Variants in RMDN2 observed in about 807,000 individuals in gnomAD.
RMDN2 encodes regulator of microtubule dynamics 2.
Under a neutral mutation model 52.8 loss-of-function variants are expected in RMDN2, and 61 were observed. That is an observed-to-expected ratio of 1.16 (90% CI 0.94 to 1.43). The LOEUF (loss-of-function observed/expected upper bound fraction) is 1.43, where lower values mean the gene tolerates loss of function less well. Among genes scored for constraint, RMDN2 ranks in the 40% most tolerant of loss-of-function variants. The pLI is 0.00. For missense variants in RMDN2, 592 were observed against 475.3 expected (o/e 1.25, Z -2.28); for synonymous variants, 180 against 153.1 (o/e 1.18, Z -1.30).
intron 2 of RMDN2, among the ~76,000 whole-genome samples, chr2:37,941,164 C>T (rs1286410711): frequency 2.0e-5 from 3 of 152,200 alleles, no homozygotes; most frequent in African/African-American, 7.2e-5. Flanking sequence ...TTCTGCAGGT[C>T]TGCTGGAGTT....
chr2:37,987,978 G>T (rs1674262314), intron 5 of RMDN2, among the ~76,000 whole-genome samples: 1 of 152,168 alleles, frequency 6.6e-6, no homozygotes, highest in Admixed American at 6.5e-5. Context: ...AGAATTGCTT[G>T]AACCTGGGAG....
chr2:37,952,836 G>A (rs944727959), intron 2 of RMDN2: 1 of 151,896 alleles, frequency 6.6e-6, no homozygotes, highest in Non-Finnish European at 1.5e-5. Context: ...GCAAATCTGG[G>A]CATTCAAGGA....
At chr2:38,035,881 G>C (rs1447972672) in intron 10 of RMDN2, 1 of 152,080 alleles carries the variant, frequency 6.6e-6, no homozygotes, top group East Asian at 1.9e-4. Context: ...AACCGTATCT[G>C]GACACAGAAA....
rs918343354 is a variant in RMDN2, at chr2:38,066,672, C to G, written c.1714-310C>G. Among the ~76,000 whole-genome samples, 3 of 152,220 alleles carry G rather than the reference C, an allele frequency of 2.0e-5. No homozygotes were observed. In the East Asian group the frequency reaches 5.8e-4, roughly 29 times the overall value. On this transcript the variant is annotated intron_variant, in intron 10 of 10. Transcript: ENST00000234195. ...GTCCAAAGCTGCATTCATTTCCCAC[C>G]CTGTACTCCGGTCTTATACTCTGTT...
intron 1 of RMDN2, among the ~76,000 whole-genome samples, chr2:37,925,963 T>C (rs1212132812): frequency 6.6e-6 from 1 of 152,126 alleles, no homozygotes; most frequent in African/African-American, 2.4e-5. Context: ...TTAAAATAAA[T>C]TATAAAATAC....
chr2:37,990,346 C>G (rs1357230062), intron 6 of RMDN2, among the ~76,000 whole-genome samples: 1 of 150,158 alleles, frequency 6.7e-6, no homozygotes. Context: ...TGGTGAAACC[C>G]CATCTCTACT....
At chr2:38,015,827 C>T (rs1678695006) in intron 10 of RMDN2, among the ~76,000 whole-genome samples, 1 of 152,318 alleles carries the variant, frequency 6.6e-6, no homozygotes, top group Admixed American at 6.5e-5. Flanking sequence ...TGTTCCTCCA[C>T]AGCAGAATTG....
intron 2 of RMDN2, chr2:37,951,745 T>C: frequency 1.9e-6 from 3 of 1,612,838 alleles, no homozygotes; most frequent in Non-Finnish European, 2.5e-6. Flanking sequence ...CATATAACCA[T>C]CTCTGCTCCT....
At chr2:37,925,694 G>A (rs961751253) in intron 1 of RMDN2, among the ~76,000 whole-genome samples, 18 of 152,250 alleles carry the variant, frequency 1.2e-4, no homozygotes, top group African/African-American at 4.3e-4. Context: ...CCTCGCACGC[G>A]GACCCTTCTG....
At chr2:37,938,365 T>A (rs1253765654) in intron 2 of RMDN2, among the ~76,000 whole-genome samples, 1 of 152,196 alleles carries the variant, frequency 6.6e-6, no homozygotes, top group Non-Finnish European at 1.5e-5. Flanking sequence ...TCTTTTTTTG[T>A]TGTGTCTCTG....
At chr2:37,921,706 G>A (rs1253845100), upstream of RMDN2, among the ~76,000 whole-genome samples, 1 of 152,180 alleles carries the variant, frequency 6.6e-6, no homozygotes, top group African/African-American at 2.4e-5. Flanking sequence ...GGGGGTCCAA[G>A]ATGGGCTGGG....
At chr2:37,962,278 G>A (rs766434395) in intron 2 of RMDN2, among the ~76,000 whole-genome samples, 1 of 152,244 alleles carries the variant, frequency 6.6e-6, no homozygotes, top group Non-Finnish European at 1.5e-5. Flanking sequence ...TAAGTCTGCT[G>A]AAGCTGTGCC....
intron 2 of RMDN2, among the ~76,000 whole-genome samples, chr2:37,957,522 T>G (rs572527908): frequency 6.6e-6 from 1 of 152,338 alleles, no homozygotes; most frequent in Admixed American, 6.5e-5. Context: ...TTATTTAAGT[T>G]CCTTGTAGAT....
intron 10 of RMDN2, chr2:38,012,582 A>C (rs149246168): frequency 5.4e-4 from 255 of 468,584 alleles, no homozygotes; most frequent in Non-Finnish European, 9.1e-4. Flanking sequence ...AATATTTCTC[A>C]CATTGCATTT....
chr2:37,951,227 T>C (rs746225764), intron 2 of RMDN2: 3 of 1,567,640 alleles, frequency 1.9e-6, no homozygotes, highest in Non-Finnish European at 2.6e-6. Flanking sequence ...CTTTTCTCAC[T>C]CTTAGCTGCT....
intron 5 of RMDN2, among the ~76,000 whole-genome samples, chr2:37,988,298 T>C (rs1322774651): frequency 6.6e-6 from 1 of 152,224 alleles, no homozygotes; most frequent in Non-Finnish European, 1.5e-5. Flanking sequence ...GAAAGATTTA[T>C]TGTGGATCTA....
intron 10 of RMDN2, chr2:38,030,128 C>G (rs1281858249): frequency 6.6e-6 from 1 of 152,158 alleles, no homozygotes; most frequent in Non-Finnish European, 1.5e-5. Flanking sequence ...GGGACACAGC[C>G]AAGCAGTATC....
At chr2:37,933,645 G>A (rs375808046) in intron 2 of RMDN2, among the ~76,000 whole-genome samples, 360 of 152,372 alleles carry the variant, frequency 2.4e-3, no homozygotes, top group Non-Finnish European at 4.4e-3. Flanking sequence ...GGCGGCGTGC[G>A]CCTGCAATGG....
intron 5 of RMDN2, among the ~76,000 whole-genome samples, chr2:37,984,367 C>T (rs1446757336): frequency 6.6e-6 from 1 of 152,186 alleles, no homozygotes; most frequent in African/African-American, 2.4e-5. Context: ...ATTGGTTGTG[C>T]TCTACCCTTT....
Sources: gnomAD v4.1 joint callset for allele counts (sites outside exome capture counted in the v4.1 genomes callset) on GRCh38, gnomAD v4.1.1 for gene constraint, MANE v1.5 for transcripts, NCBI Gene and HGNC (gene_info 2026-07-23, HGNC 2026-07-21) for gene names.